ACTN2: variants seen among roughly 807,000 people sequenced by gnomAD.
The protein encoded by ACTN2 is alpha-actinin-2.
Under a neutral mutation model 113.8 loss-of-function variants are expected in ACTN2, and 39 were observed. The ratio of observed to expected loss-of-function variants is 0.34; its 90% CI spans 0.27 to 0.45. The LOEUF (loss-of-function observed/expected upper bound fraction) is 0.45. ACTN2 is among the 20% of genes least tolerant of loss of function. The probability of loss-of-function intolerance (pLI) is 1.00; values close to 1 mark genes in which losing one functional copy is unlikely to be tolerated. For synonymous variants in ACTN2, 429 were observed against 444.1 expected (o/e 0.97, Z 0.43); for missense variants, 992 against 1,177.9 (o/e 0.84, Z 2.31).
Position 236,730,462 on chromosome 1 carries a change from C to T in ACTN2, c.616-771C>T, listed in dbSNP as rs114454044. 7.9e-3 allele frequency among the ~76,000 whole-genome samples: 1,205 copies of T among 152,124 alleles called. 19 individuals carry two copies. The highest frequency in any genetic ancestry group is 0.027 in the African/African-American group (1,141 of 41,512). ...TTGAAATGACTTTGTTATTAAAATT[C>T]GTTAAAGTCACATTTCATTTTGATT... On this transcript the variant is annotated intron_variant, in intron 6 of 20. Transcript: ENST00000366578.
intron 1 of ACTN2, among the ~76,000 whole-genome samples, chr1:236,714,966 A>G (rs2102887820): frequency 1.2e-5 from 1 of 86,864 alleles, no homozygotes; most frequent in South Asian, 5.8e-4. Flanking sequence ...ATACCACTGA[A>G]GGGATATGCA....
Position 236,764,603 on chromosome 1 carries a change from AAATT to A in ACTN2, c.*1987_*1990del, listed in dbSNP as rs536498091. The A allele has an allele frequency of 1.1e-3, 162 of 152,330 alleles. No individual in the cohort carries two copies. The highest frequency in any genetic ancestry group is 3.7e-3 in the African/African-American group (153 of 41,582). 9.4% of individuals were successfully genotyped at this position (152,330 alleles called of 1,614,324 possible). On this transcript the variant is annotated 3_prime_UTR_variant, in exon 21 of 21. Transcript: ENST00000366578. ...AAAATTAAAACGTTTATAAGTTTCT[AAATT>A]AAACTTAATTTATAAAAGAAAAAAG...
intron 1 of ACTN2, among the ~76,000 whole-genome samples, chr1:236,709,849 A>C (rs1657973623): frequency 6.6e-6 from 1 of 152,176 alleles, no homozygotes; most frequent in South Asian, 2.1e-4. Flanking sequence ...GTCTGGGATG[A>C]GTTTCCATTT....
chr1:236,750,274 G>T (rs900312206), intron 14 of ACTN2, among the ~76,000 whole-genome samples: 2 of 152,086 alleles, frequency 1.3e-5, no homozygotes, highest in South Asian at 2.1e-4. Context: ...AATCCTGAAG[G>T]TTGGGATTTG....
rs558857972 is a variant in ACTN2, at chr1:236,709,357, T to C, written c.127-8501T>C. Among the ~76,000 whole-genome samples the C allele has an allele frequency of 5.7e-3, 778 of 136,174 alleles. 6 individuals are homozygous for C. The highest frequency in any genetic ancestry group is 9.3e-3 in the Non-Finnish European group (616 of 65,888). 89.3% of individuals were successfully genotyped at this position (136,174 alleles called of 152,430 possible). On this transcript the variant is annotated intron_variant, in intron 1 of 20. Coordinates refer to ENST00000366578, the MANE Select transcript of ACTN2 (RefSeq NM_001103.4). The stretch of plus-strand genomic sequence containing the variant: ...ATATATATACGTGTATATATATATA[T>C]ACGTGTGTGTGTATATATATATATG...
intron 1 of ACTN2, among the ~76,000 whole-genome samples, chr1:236,696,688 A>G (rs1657511803): frequency 1.5e-5 from 2 of 133,092 alleles, no homozygotes; most frequent in South Asian, 2.4e-4. Flanking sequence ...TTTTTTTGAG[A>G]TGGAGTCTTG....
intron 13 of ACTN2, among the ~76,000 whole-genome samples, chr1:236,748,306 C>T (rs930627102): frequency 1.3e-5 from 2 of 152,100 alleles, no homozygotes; most frequent in Non-Finnish European, 2.9e-5. Flanking sequence ...AGCAGTTTAC[C>T]AGTTCCCTGA....
intron 15 of ACTN2, 78 bp from the exon 16 acceptor site, chr1:236,753,869 G>GAAAAATA: frequency 8.0e-7 from 1 of 1,250,292 alleles, no homozygotes; most frequent in Non-Finnish European, 1.1e-6. Flanking sequence ...CCACCCCTTG[G>GAAAAATA]ACTATTCCCG....
chr1:236,739,669 C>T, intron 10 of ACTN2, 137 bp downstream of exon 10: 1 of 1,045,270 alleles, frequency 9.6e-7, no homozygotes. Flanking sequence ...GGCCCTGTAA[C>T]CACTTTGTTC....
At chr1:236,711,954 T>G (rs1350424287) in intron 1 of ACTN2, among the ~76,000 whole-genome samples, 2 of 152,210 alleles carry the variant, frequency 1.3e-5, no homozygotes, top group Non-Finnish European at 2.9e-5. Context: ...TGTATCTGAT[T>G]CAGTAAAGCA....
At chr1:236,741,900 G>A (rs1659078962) in intron 10 of ACTN2, among the ~76,000 whole-genome samples, 1 of 152,064 alleles carries the variant, frequency 6.6e-6, no homozygotes, top group Non-Finnish European at 1.5e-5. Flanking sequence ...GGCCTATAAG[G>A]GCCTGCATGC....
intron 14 of ACTN2, 139 bp downstream of exon 14, chr1:236,749,403 T>A: frequency 9.1e-7 from 1 of 1,095,766 alleles, no homozygotes; most frequent in Non-Finnish European, 1.3e-6. Context: ...CAAATTACCC[T>A]TGAACCTTAG....
intron 1 of ACTN2, among the ~76,000 whole-genome samples, chr1:236,688,009 A>G (rs1432047909): frequency 6.6e-6 from 1 of 152,192 alleles, no homozygotes; most frequent in Non-Finnish European, 1.5e-5. Flanking sequence ...TACCTTTCTT[A>G]GAAAATGGGA....
intron 18 of ACTN2, among the ~76,000 whole-genome samples, chr1:236,759,109 T>A (rs1659633414): frequency 6.6e-6 from 1 of 152,192 alleles, no homozygotes; most frequent in Non-Finnish European, 1.5e-5. Flanking sequence ...AGTAAAAAAT[T>A]ATCCACAGAG....
At chr1:236,709,250 A>ATATATATATG (rs1558227429) in intron 1 of ACTN2, among the ~76,000 whole-genome samples, 2 of 97,554 alleles carry the variant, frequency 2.1e-5, no homozygotes, top group African/African-American at 6.9e-5. Flanking sequence ...ATATATATAT[A>ATATATATATG]TATATACACA....
intron 6 of ACTN2, 72 bp downstream of exon 6, chr1:236,727,828 A>G (rs1658598814): frequency 6.8e-7 from 1 of 1,465,026 alleles, no homozygotes; most frequent in Non-Finnish European, 9.6e-7. Context: ...TGAGCACATC[A>G]GCACTAGCCT....
chr1:236,734,699 G>T (rs1658814429), intron 7 of ACTN2, among the ~76,000 whole-genome samples: 1 of 152,114 alleles, frequency 6.6e-6, no homozygotes, highest in African/African-American at 2.4e-5. Flanking sequence ...TGTTCATGCA[G>T]TGGTATGCCG....
At chr1:236,712,076 A>T (rs570852393) in intron 1 of ACTN2, among the ~76,000 whole-genome samples, 1 of 152,234 alleles carries the variant, frequency 6.6e-6, no homozygotes, top group Non-Finnish European at 1.5e-5. Flanking sequence ...TCTAAGGTTT[A>T]GTTTTCAAGA....
intron 12 of ACTN2, among the ~76,000 whole-genome samples, chr1:236,746,165 C>CAA (rs55953102): frequency 0.056 from 4,475 of 80,338 alleles, 138 homozygotes; most frequent in East Asian, 0.084. Context: ...GACTCCATCT[C>CAA]AAAAAAAAAA....
Sources: gnomAD v4.1 joint callset for allele counts (sites outside exome capture counted in the v4.1 genomes callset) on GRCh38, gnomAD v4.1.1 for gene constraint, MANE v1.5 for transcripts, NCBI Gene and HGNC (gene_info 2026-07-23, HGNC 2026-07-21) for gene names.